METTL15: variants seen among roughly 807,000 people sequenced by gnomAD.
METTL15 encodes 12S rRNA N(4)-cytidine methyltransferase METTL15.
In METTL15, 34 loss-of-function variants were observed where a neutral mutation model predicts 38.3. That is an observed-to-expected ratio of 0.89 (90% confidence interval 0.68 to 1.18). The LOEUF is 1.18. Ranked by LOEUF, METTL15 falls within the 50% of genes most tolerant of loss-of-function variation. The pLI is 0.00. For synonymous variants in METTL15, 162 were observed against 170.9 expected (o/e 0.95, Z 0.41); for missense variants, 438 against 498.4 (o/e 0.88, Z 1.15).
chr11:28,172,253 C>T (rs1284436372), intron 3 of METTL15, among the ~76,000 whole-genome samples: 2 of 152,008 alleles, frequency 1.3e-5, no homozygotes, highest in Non-Finnish European at 2.9e-5. Flanking sequence ...TGAACTGGAG[C>T]TGATCTATAA....
intron 3 of METTL15, among the ~76,000 whole-genome samples, chr11:28,135,624 T>G (rs1849488674): frequency 6.6e-6 from 1 of 152,216 alleles, no homozygotes; most frequent in African/African-American, 2.4e-5. Flanking sequence ...ACAACCAGTT[T>G]CTCCAATTGT....
chr11:28,187,135 A>G (rs950720130), intron 3 of METTL15, among the ~76,000 whole-genome samples: 2 of 151,286 alleles, frequency 1.3e-5, no homozygotes, highest in Non-Finnish European at 3.0e-5. Context: ...TAGCTATTTA[A>G]AATTAAAAAT....
Position 28,211,854 on chromosome 11 carries a change from T to A in METTL15, c.407+656T>A, listed in dbSNP as rs543164318. Among the ~76,000 whole-genome samples the A allele has an allele frequency of 2.6e-5, 4 of 152,076 alleles. No individual in the cohort carries two copies. In the South Asian group the frequency reaches 8.3e-4, roughly 31 times the overall value. ...GCTAAGATGGCTCTCTCCAAATACA[T>A]AAAGGGCTGTTTTCAGGAATGGGAA... On this transcript the variant is annotated intron_variant, in intron 4 of 6. Transcript: ENST00000407364.
intron 4 of METTL15, among the ~76,000 whole-genome samples, chr11:28,256,756 T>A (rs527629308): frequency 1.3e-5 from 2 of 152,204 alleles, no homozygotes; most frequent in Admixed American, 1.3e-4. Context: ...GGGTTTGCTT[T>A]GTCCATGCTT....
chr11:28,181,627 T>C (rs955985854), intron 3 of METTL15, among the ~76,000 whole-genome samples: 2 of 152,158 alleles, frequency 1.3e-5, no homozygotes, highest in Admixed American at 1.3e-4. Context: ...ATGGTGTATA[T>C]GTACCACATT....
intron 6 of METTL15, among the ~76,000 whole-genome samples, chr11:28,434,842 T>A (rs1210925295): frequency 6.6e-6 from 1 of 151,886 alleles, no homozygotes; most frequent in Non-Finnish European, 1.5e-5. Context: ...TAGAACAACT[T>A]GGCTCTCTTC....
chr11:28,197,842 A>G (rs1476022577), intron 3 of METTL15, among the ~76,000 whole-genome samples: 2 of 152,040 alleles, frequency 1.3e-5, no homozygotes, highest in East Asian at 3.9e-4. Context: ...ACCATCATTT[A>G]TTTTAATTTA....
At chr11:28,366,961 T>C (rs571288736) in intron 5 of METTL15, among the ~76,000 whole-genome samples, 12 of 152,240 alleles carry the variant, frequency 7.9e-5, no homozygotes, top group African/African-American at 2.9e-4. Flanking sequence ...AAATGGATAA[T>C]AAAAGCCATT....
chr11:28,177,218 C>A (rs1482625675), intron 3 of METTL15, among the ~76,000 whole-genome samples: 1 of 151,760 alleles, frequency 6.6e-6, no homozygotes, highest in Non-Finnish European at 1.5e-5. Context: ...TAGTAAAATG[C>A]AATATATGTT....
chr11:28,371,233 TC>T (rs1850240334), intron 5 of METTL15, among the ~76,000 whole-genome samples: 1 of 152,108 alleles, frequency 6.6e-6, no homozygotes. Flanking sequence ...CTTGTTTTAT[TC>T]TTCTGCTTAT....
intron 4 of METTL15, among the ~76,000 whole-genome samples, chr11:28,257,076 G>T (rs1855001955): frequency 6.6e-6 from 1 of 152,034 alleles, no homozygotes; most frequent in Admixed American, 6.6e-5. Context: ...TTGTCGGATG[G>T]GTCTGGTGTT....
chr11:28,422,651 G>A (rs1274160529), intron 5 of METTL15, among the ~76,000 whole-genome samples: 1 of 151,988 alleles, frequency 6.6e-6, no homozygotes, highest in African/African-American at 2.4e-5. Flanking sequence ...ATATGCAGAA[G>A]AATCAAATTA....
intron 3 of METTL15, among the ~76,000 whole-genome samples, chr11:28,182,165 G>A (rs967859222): frequency 2.0e-5 from 3 of 152,020 alleles, no homozygotes; most frequent in Admixed American, 1.3e-4. Flanking sequence ...TTAGTCATTT[G>A]TCAGATGGAT....
chr11:28,302,065 C>T (rs929442563), intron 6 of METTL15, among the ~76,000 whole-genome samples: 2 of 152,164 alleles, frequency 1.3e-5, no homozygotes, highest in Admixed American at 1.3e-4. Flanking sequence ...CCCAACATCA[C>T]AGCAGGATAA....
At chr11:28,185,368 C>T (rs1274363441) in intron 3 of METTL15, among the ~76,000 whole-genome samples, 1 of 151,316 alleles carries the variant, frequency 6.6e-6, no homozygotes, top group Non-Finnish European at 1.5e-5. Flanking sequence ...TCCTTAAAAG[C>T]TTGGGCAAAT....
At chr11:28,201,159 G>C (rs1816403593) in intron 3 of METTL15, among the ~76,000 whole-genome samples, 1 of 152,108 alleles carries the variant, frequency 6.6e-6, no homozygotes, top group Admixed American at 6.6e-5. Context: ...TGAGTCTATT[G>C]AGATAATCAT....
rs193193427 is a variant in METTL15, at chr11:28,238,603, G to A, written c.407+27405G>A. Among the ~76,000 whole-genome samples, 20 of 152,294 alleles carry A rather than the reference G, an allele frequency of 1.3e-4. No individual in the cohort carries two copies. The South Asian group carries it at 1.7e-3, about 13-fold the overall frequency. Reference sequence around the variant, plus strand: ...CCCTGCTTTGGCTGGCACAGGGTGCGCTGCACCCACTGTCCTGCGCCCACT... The same window carrying A: ...CCCTGCTTTGGCTGGCACAGGGTGCACTGCACCCACTGTCCTGCGCCCACT... On this transcript the variant is annotated intron_variant, in intron 4 of 6. Coordinates refer to ENST00000407364, the MANE Select transcript of METTL15 (RefSeq NM_001113528.2).
intron 4 of METTL15, among the ~76,000 whole-genome samples, chr11:28,253,464 T>A (rs1376120990): frequency 6.6e-6 from 1 of 152,340 alleles, no homozygotes; most frequent in East Asian, 1.9e-4. Flanking sequence ...ATCAATCTAA[T>A]TGTACTCTTT....
intron 4 of METTL15, among the ~76,000 whole-genome samples, chr11:28,266,003 C>T (rs1215040314): frequency 2.0e-5 from 3 of 152,186 alleles, no homozygotes; most frequent in Non-Finnish European, 2.9e-5. Flanking sequence ...TGTTCCCCTT[C>T]CTGTGTCCAT....
Sources: gnomAD v4.1 joint callset for allele counts (sites outside exome capture counted in the v4.1 genomes callset) on GRCh38, gnomAD v4.1.1 for gene constraint, MANE v1.5 for transcripts, NCBI Gene and HGNC (gene_info 2026-07-23, HGNC 2026-07-21) for gene names.